NACC1: variants seen among roughly 807,000 people sequenced by gnomAD.
NACC1 encodes nucleus accumbens associated 1, also known as nucleus accumbens-associated protein 1.
NACC1 carries 6 observed loss-of-function variants against 41.7 expected under a neutral mutation model. That is an observed-to-expected ratio of 0.14 (90% CI 0.08 to 0.28). NACC1 has a LOEUF of 0.28. Among genes scored for constraint, NACC1 ranks in the 10% least tolerant of loss-of-function variants. The pLI is 1.00. For missense variants in NACC1, 434 were observed against 763.7 expected (o/e 0.57, Z 5.09); for synonymous variants, 338 against 330.6 (o/e 1.02, Z -0.24).
At chr19:13,133,700 CTT>C (rs1286252845) in intron 1 of NACC1, among the ~76,000 whole-genome samples, 3 of 152,142 alleles carry the variant, frequency 2.0e-5, no homozygotes, top group Non-Finnish European at 4.4e-5. Flanking sequence ...TTGTTTCCAC[CTT>C]TGGGCTATTG....
At chr19:13,126,279 G>C (rs1340278316) in intron 1 of NACC1, among the ~76,000 whole-genome samples, 1 of 151,768 alleles carries the variant, frequency 6.6e-6, no homozygotes, top group Non-Finnish European at 1.5e-5. Context: ...TCCTGACCTC[G>C]TGACCTCGTG....
At chr19:13,120,600 G>GA (rs1436188434) in intron 1 of NACC1, among the ~76,000 whole-genome samples, 1 of 152,196 alleles carries the variant, frequency 6.6e-6, no homozygotes, top group African/African-American at 2.4e-5. Context: ...GGAGGAGTAG[G>GA]AACTGGGCCA....
At chr19:13,129,646 C>T (rs1448912153) in intron 1 of NACC1, among the ~76,000 whole-genome samples, 4 of 152,214 alleles carry the variant, frequency 2.6e-5, no homozygotes, top group Non-Finnish European at 4.4e-5. Flanking sequence ...AGCTCCCGTG[C>T]GCTAATTGGC....
rs2019711485 is a variant in NACC1 at position 13,136,689 on chromosome 19, A to G, written c.1120+284A>G. Among the ~76,000 whole-genome samples, 1 of 152,192 alleles carries G rather than the reference A, an allele frequency of 6.6e-6. No homozygotes were observed. The highest frequency in any genetic ancestry group is 1.5e-5 in the Non-Finnish European group (1 of 68,038). ...TACTTCCCGGGCTCCTGTGAAGGCC[A>G]GCTACTACCTAGGTTAGGAATTTGG... On this transcript the variant is annotated intron_variant, in intron 3 of 5. Coordinates refer to ENST00000292431, the MANE Select transcript of NACC1 (RefSeq NM_052876.4). The surrounding 1 kb of genome is among the most constrained non-coding windows in gnomAD (Gnocchi z 5.5).
intron 1 of NACC1, among the ~76,000 whole-genome samples, chr19:13,124,401 A>G (rs2019537065): frequency 6.6e-6 from 1 of 152,090 alleles, no homozygotes; most frequent in Non-Finnish European, 1.5e-5. Flanking sequence ...CTGTCTCAAC[A>G]AAAAAGAAAA....
Position 13,136,035 on chromosome 19 carries a change from C to T in NACC1, c.828C>T (p.Gly276=). ...GCGCCTACACCAGCGACAGCCCTGGCTCCTACCACAATGAGGAGGACGAGG... is the reference window on the plus strand; with the variant it reads ...GCGCCTACACCAGCGACAGCCCTGGTTCCTACCACAATGAGGAGGACGAGG... ...TSSAYTSDSP[G]SYHNEEDEEE... is the part of the protein sequence containing the mutation. Residue 276 remains glycine, a synonymous_variant, in exon 2 of 6, where the codon GGC becomes GGT. Coordinates refer to ENST00000292431, the MANE Select transcript of NACC1 (RefSeq NM_052876.4). This position sits in a 1 kb window ranked among gnomAD's most constrained non-coding sequence, Gnocchi z 5.5. 6.2e-7 allele frequency: 1 copy of T among 1,614,078 alleles called. No homozygotes were observed. The highest frequency in any genetic ancestry group is 8.5e-7 in the Non-Finnish European group (1 of 1,180,000).
chr19:13,132,259 T>TA (rs2145620459), intron 1 of NACC1: 1 of 151,828 alleles, frequency 6.6e-6, no homozygotes, highest in African/African-American at 2.4e-5. Context: ...CTACTACAAG[T>TA]ACAAAAATTA....
Position 13,137,069 on chromosome 19 carries a change from A to T in NACC1, c.1121-202A>T, listed in dbSNP as rs1485013738. On this transcript the variant is annotated intron_variant, in intron 3 of 5. Coordinates refer to ENST00000292431, the MANE Select transcript of NACC1 (RefSeq NM_052876.4). The surrounding 1 kb of genome is among the most constrained non-coding windows in gnomAD (Gnocchi z 6.1). ...CCTTTCTGTCCTTTCCTGAGCACTG[A>T]TGAGGTTGGGGGAGCCCCAAGGAGC... Among the ~76,000 whole-genome samples the T allele has an allele frequency of 1.3e-5, 2 of 152,126 alleles. No homozygotes were observed. The highest frequency in any genetic ancestry group is 2.4e-5 in the African/African-American group (1 of 41,418).
intron 1 of NACC1, among the ~76,000 whole-genome samples, chr19:13,119,896 G>C (rs1019886191): frequency 6.6e-6 from 1 of 152,186 alleles, no homozygotes; most frequent in Admixed American, 6.5e-5. Flanking sequence ...GGGTCCAGAC[G>C]AGGAAGCTGA....
intron 1 of NACC1, among the ~76,000 whole-genome samples, chr19:13,127,011 G>A (rs1471403488): frequency 6.6e-6 from 1 of 152,000 alleles, no homozygotes; most frequent in Admixed American, 6.6e-5. Context: ...AAGGCAGGAG[G>A]ACCACTTGAG....
intron 1 of NACC1, among the ~76,000 whole-genome samples, chr19:13,129,335 C>T (rs1186413158): frequency 6.6e-6 from 1 of 152,168 alleles, no homozygotes; most frequent in Non-Finnish European, 1.5e-5. Context: ...GCGAGAGACC[C>T]GTTTCCTCTG....
rs773923594 is a variant in NACC1, at chr19:13,137,602, C to A, written c.1324+27C>A. ...TGAGTGTTGGCCCAGCTGGACGAGGCGTGGGCCCGGGGCACGCAGGTTGAC... is the reference window on the plus strand; with the variant it reads ...TGAGTGTTGGCCCAGCTGGACGAGGAGTGGGCCCGGGGCACGCAGGTTGAC... On this transcript the variant is annotated intron_variant, in intron 5 of 5. Coordinates refer to ENST00000292431, the MANE Select transcript of NACC1 (RefSeq NM_052876.4). The surrounding 1 kb of genome is among the most constrained non-coding windows in gnomAD (Gnocchi z 6.1). 1.3e-6 allele frequency: 2 copies of A among 1,539,472 alleles called. No homozygotes were observed. Among genetic ancestry groups the A allele is most frequent in the African/African-American group, 2.7e-5 (2 of 72,814 alleles).
chr19:13,136,022 G>A lies in NACC1; in HGVS notation c.815G>A (p.Ser272Asn). 1 of 1,613,914 alleles carries A rather than the reference G, an allele frequency of 6.2e-7. No individual in the cohort carries two copies. Among genetic ancestry groups the A allele is most frequent in the Non-Finnish European group, 8.5e-7 (1 of 1,179,960 alleles). The change falls in exon 2 of 6, where the codon AGC becomes AAC. Residue 272 changes from serine (S) to asparagine (N), a missense_variant. Around this residue, in one of 4 missense-constraint regions of NACC1, gnomAD observed 234 missense variants for 308.3 expected, o/e 0.76. Transcript: ENST00000292431. The surrounding 1 kb of genome is among the most constrained non-coding windows in gnomAD (Gnocchi z 5.5). Reference sequence around the variant, plus strand: ...CCAGGCACCTCAAGCGCCTACACCAGCGACAGCCCTGGCTCCTACCACAAT... The same window carrying A: ...CCAGGCACCTCAAGCGCCTACACCAACGACAGCCCTGGCTCCTACCACAAT... ...TSPGTSSAYTSDSPGSYHNEE... is the reference protein window; with the variant it reads ...TSPGTSSAYTNDSPGSYHNEE...
chr19:13,129,622 A>C (rs1455768129), intron 1 of NACC1, among the ~76,000 whole-genome samples: 1 of 152,204 alleles, frequency 6.6e-6, no homozygotes, highest in Non-Finnish European at 1.5e-5. Flanking sequence ...CCCCAGCAGC[A>C]TGGAGGGAGG....
chr19:13,133,355 CAA>C (rs1194181675), intron 1 of NACC1, among the ~76,000 whole-genome samples: 4 of 140,932 alleles, frequency 2.8e-5, no homozygotes, highest in Admixed American at 7.2e-5. Context: ...GACTCCATCT[CAA>C]AAAAAAAAAA....
At chr19:13,130,231 C>G (rs192490268) in intron 1 of NACC1, among the ~76,000 whole-genome samples, 92 of 152,190 alleles carry the variant, frequency 6.0e-4, no homozygotes, top group African/African-American at 2.1e-3. Flanking sequence ...TGCAAGCCAC[C>G]AAGCCCCACT....
intron 1 of NACC1, among the ~76,000 whole-genome samples, chr19:13,120,850 C>T (rs1236285884): frequency 6.6e-6 from 1 of 152,210 alleles, no homozygotes; most frequent in Non-Finnish European, 1.5e-5. Flanking sequence ...GAGAAGGCAC[C>T]AGTAATAACT....
rs544132868 is a variant in NACC1, at chr19:13,135,796, G to A, written c.589G>A (p.Gly197Ser). The stretch of plus-strand genomic sequence containing the variant: ...TGGCCAGAAGGAGGCTGGGGGCGGC[G>A]GCAATGGCAGCCGCAAGATGGCCAA... Reference protein sequence around the residue: ...DSGQKEAGGGGNGSRKMAKFS... With the variant: ...DSGQKEAGGGSNGSRKMAKFS... Residue 197 changes from glycine (G) to serine (S), a missense_variant, in exon 2 of 6, where the codon GGC becomes AGC. By Grantham distance (56) the Gly-to-Ser change is moderately conservative. Transcript: ENST00000292431. The A allele has an allele frequency of 2.1e-3, 3,325 of 1,555,740 alleles. 79 individuals carry two copies. The South Asian group carries it at 0.037, about 17-fold the overall frequency.
In NACC1 at chr19:13,136,248, C is replaced by T. The variant is rs138349443; in HGVS notation, c.963C>T (p.Ala321=). 11 of 1,613,142 alleles carry T rather than the reference C, an allele frequency of 6.8e-6. No homozygotes were observed. The highest frequency in any genetic ancestry group is 1.3e-5 in the African/African-American group (1 of 75,036). Residue 321 remains alanine (A), a synonymous_variant, in exon 3 of 6, where the codon GCC becomes GCT. Coordinates refer to ENST00000292431, the MANE Select transcript of NACC1 (RefSeq NM_052876.4). The surrounding 1 kb of genome is among the most constrained non-coding windows in gnomAD (Gnocchi z 5.5). ...TCCCTGCAGCCGAGAAGGTGGAGGC[C>T]CTCCCGGAGCAGGTAGCCCCCGAGT... ...NVGQTAEKVE[A]LPEQVAPESR...
Sources: allele counts gnomAD v4.1 joint callset (sites outside exome capture counted in the v4.1 genomes callset), GRCh38; gene constraint gnomAD v4.1.1; regional missense constraint gnomAD v4.1.1; non-coding constraint Gnocchi (gnomAD v3.1); transcripts MANE v1.5; gene names NCBI Gene and HGNC (gene_info 2026-07-23, HGNC 2026-07-21).